The following BCAS3 variants were observed in gnomAD, a reference collection of about 807,000 sequenced individuals.
BCAS3 encodes the protein BCAS4/BCAS3 fusion.
BCAS3 carries 53 observed loss-of-function variants against 116.1 expected under a neutral mutation model. That is an observed-to-expected ratio of 0.46 (90% CI 0.37 to 0.57). The LOEUF is 0.57. BCAS3 is among the 20% of genes least tolerant of loss of function. BCAS3 has a pLI of 0.00. For missense variants in BCAS3, 917 were observed against 1,165.4 expected (o/e 0.79, Z 3.10); for synonymous variants, 391 against 408.2 (o/e 0.96, Z 0.51).
Position 61,361,398 on chromosome 17 carries a change from C to T in BCAS3, c.2426-6929C>T, listed in dbSNP as rs565050553. Among the ~76,000 whole-genome samples, 209 of 152,178 alleles carry T rather than the reference C, an allele frequency of 1.4e-3. 1 individual carries two copies. The highest frequency in any genetic ancestry group is 2.2e-3 in the Non-Finnish European group (150 of 68,000). On this transcript the variant is annotated intron_variant, in intron 22 of 23. Coordinates refer to ENST00000407086, the MANE Select transcript of BCAS3 (RefSeq NM_017679.5). The surrounding 1 kb of genome is among the most constrained non-coding windows in gnomAD (Gnocchi z 6.5). ...TTAGATTGCAAAGAAATTCTTAGTC[C>T]AATTGCCATTGAACTCCTTTTCCCT...
rs1249829542 is a variant in BCAS3, at chr17:61,356,552, C to T, written c.2426-11775C>T. Among the ~76,000 whole-genome samples the T allele has an allele frequency of 1.3e-5, 2 of 152,204 alleles. No individual in the cohort carries two copies. Among genetic ancestry groups the T allele is most frequent in the South Asian group, 2.1e-4 (1 of 4,820 alleles). On this transcript the variant is annotated intron_variant, in intron 22 of 23. Coordinates refer to ENST00000407086, the MANE Select transcript of BCAS3 (RefSeq NM_017679.5). The surrounding 1 kb of genome is among the most constrained non-coding windows in gnomAD (Gnocchi z 5.4). ...TGACTGATCTCTTGGGCTCACAGCCCTGCTCAATGACCTCATGATGTGTGA... is the reference window on the plus strand; with the variant it reads ...TGACTGATCTCTTGGGCTCACAGCCTTGCTCAATGACCTCATGATGTGTGA...
rs2143622420 is a variant in BCAS3, at chr17:61,381,614, A to C, written c.2594-10363A>C. Among the ~76,000 whole-genome samples, 1 of 152,302 alleles carries C rather than the reference A, an allele frequency of 6.6e-6. No homozygotes were observed. Among genetic ancestry groups the C allele is most frequent in the Non-Finnish European group, 1.5e-5 (1 of 68,026 alleles). The stretch of plus-strand genomic sequence containing the variant: ...AGACGCTAAATGCCACCGAGAAGTT[A>C]AATCTATTACTAAACTCAGGTTTAC... On this transcript the variant is annotated intron_variant, in intron 23 of 23. Transcript: ENST00000407086. The surrounding 1 kb of genome is among the most constrained non-coding windows in gnomAD (Gnocchi z 6.0).
intron 5 of BCAS3, among the ~76,000 whole-genome samples, chr17:60,742,153 G>A (rs949175679): frequency 3.9e-5 from 6 of 152,134 alleles, no homozygotes; most frequent in African/African-American, 1.4e-4. Flanking sequence ...GTACTGTTTG[G>A]AATAATCTTT....
rs1370798204 is a variant in BCAS3 at position 61,078,463 on chromosome 17, G to A, written c.2261G>A (p.Gly754Asp). 7.4e-6 allele frequency: 12 copies of A among 1,614,000 alleles called. No individual in the cohort carries two copies. Among genetic ancestry groups the A allele is most frequent in the African/African-American group, 4.0e-5 (3 of 74,882 alleles). ...SSSSSVLQSH[G>D]PSDTPQPLLD... ...AGTTCATCTGTGTTGCAGTCTCATG[G>A]TCCGAGTGACACGCCACAGCCTCTT... is the stretch of plus-strand genomic sequence containing the variant. Residue 754 changes from glycine to aspartate, a missense_variant, in exon 21 of 24, where the codon GGT becomes GAT. By Grantham distance (94) the Gly-to-Asp change is moderately conservative (BLOSUM62 -1). Around this residue, in one of 3 missense-constraint regions of BCAS3, gnomAD observed 807 missense variants for 1,026.0 expected, o/e 0.79. Transcript: ENST00000407086.
At chr17:61,044,203 T>C (rs1352141087) in intron 19 of BCAS3, among the ~76,000 whole-genome samples, 1 of 151,854 alleles carries the variant, frequency 6.6e-6, no homozygotes, top group Non-Finnish European at 1.5e-5. Context: ...ATCCCAGCAC[T>C]TTCGGAGACC....
Position 60,974,981 on chromosome 17 carries a change from TG to T in BCAS3, c.1222-14989del, listed in dbSNP as rs950064454. 8.0e-3 allele frequency among the ~76,000 whole-genome samples: 1,128 copies of T among 140,334 alleles called. 64 individuals are homozygous for T. Among genetic ancestry groups the T allele is most frequent in the African/African-American group, 0.035 (1,058 of 30,158 alleles). 92.1% of individuals were successfully genotyped at this position (140,334 alleles called of 152,430 possible). ...TTATATTCAAGCCATTTGTTTTTTTTGTTTTTTTTGCTTTTTTGTTTTTTTT... is the reference window on the plus strand; with the variant it reads ...TTATATTCAAGCCATTTGTTTTTTTTTTTTTTTTGCTTTTTTGTTTTTTTT... On this transcript the variant is annotated intron_variant, in intron 14 of 23. Coordinates refer to ENST00000407086, the MANE Select transcript of BCAS3 (RefSeq NM_017679.5).
chr17:60,747,679 A>G (rs1409468163), intron 6 of BCAS3, among the ~76,000 whole-genome samples: 4 of 151,664 alleles, frequency 2.6e-5, no homozygotes, highest in Admixed American at 6.6e-5. Context: ...TCAAGTCTCT[A>G]TTGTTCTCAT....
Position 61,214,514 on chromosome 17 carries a change from C to T in BCAS3, c.2425+129950C>T, listed in dbSNP as rs561742318. ...CCTGGCTAACATGGTGAAACCCCGT[C>T]TCTACTAAAAATACCAAAAAAAAAA... On this transcript the variant is annotated intron_variant, in intron 22 of 23. Transcript: ENST00000407086. The surrounding 1 kb of genome is among the most constrained non-coding windows in gnomAD (Gnocchi z 4.4). Among the ~76,000 whole-genome samples the T allele has an allele frequency of 1.5e-5, 2 of 135,100 alleles. No homozygotes were observed. Among genetic ancestry groups the T allele is most frequent in the East Asian group, 2.1e-4 (1 of 4,654 alleles). 88.6% of individuals were successfully genotyped at this position (135,100 alleles called of 152,430 possible).
rs1484655860 is a variant in BCAS3, at chr17:61,004,832, CTGT to C, written c.1487-10910_1487-10908del. ...GACCAAGGTGGAATTAACATGGGCA[CTGT>C]TGTTGTTGGCTTCAGAAGAAATAGA... On this transcript the variant is annotated intron_variant, in intron 15 of 23. Transcript: ENST00000407086. This position sits in a 1 kb window ranked among gnomAD's most constrained non-coding sequence, Gnocchi z 4.8. 6.6e-6 allele frequency among the ~76,000 whole-genome samples: 1 copy of C among 152,052 alleles called. No homozygotes were observed. Among genetic ancestry groups the C allele is most frequent in the African/African-American group, 2.4e-5 (1 of 41,394 alleles).
chr17:60,903,400 C>T (rs1466093853), intron 11 of BCAS3, among the ~76,000 whole-genome samples: 4 of 152,166 alleles, frequency 2.6e-5, no homozygotes, highest in African/African-American at 7.2e-5. Context: ...AGAATGTGTT[C>T]CTTGGTTTGA....
intron 22 of BCAS3, among the ~76,000 whole-genome samples, chr17:61,232,169 C>T (rs901068952): frequency 2.7e-4 from 35 of 127,812 alleles, no homozygotes; most frequent in Non-Finnish European, 7.9e-5. Context: ...CACACCACTG[C>T]ACTCCAGCCT....
chr17:60,695,547 GT>G, intron 4 of BCAS3, among the ~76,000 whole-genome samples: 1 of 152,264 alleles, frequency 6.6e-6, no homozygotes. Flanking sequence ...GTATCATATG[GT>G]AATTCTTTTT....
rs1026957473 is a variant in BCAS3 at position 61,327,684 on chromosome 17, A to G, written c.2426-40643A>G. 1.3e-5 allele frequency among the ~76,000 whole-genome samples: 2 copies of G among 152,052 alleles called. No homozygotes were observed. Among genetic ancestry groups the G allele is most frequent in the African/African-American group, 4.8e-5 (2 of 41,398 alleles). On this transcript the variant is annotated intron_variant, in intron 22 of 23. Transcript: ENST00000407086. This position sits in a 1 kb window ranked among gnomAD's most constrained non-coding sequence, Gnocchi z 5.9. ...ACCACCAAACCCCACTAATTTTTGT[A>G]TTTTTGGTAGAGATGGGGTTTCACC...
chr17:60,699,576 T>G (rs907509944), intron 4 of BCAS3, among the ~76,000 whole-genome samples: 1 of 152,146 alleles, frequency 6.6e-6, no homozygotes, highest in African/African-American at 2.4e-5. Flanking sequence ...GTACATAAGT[T>G]TATAATTCTG....
At chr17:61,292,782 C>T (rs1337934962) in intron 22 of BCAS3, among the ~76,000 whole-genome samples, 3 of 152,134 alleles carry the variant, frequency 2.0e-5, no homozygotes, top group Non-Finnish European at 4.4e-5. Context: ...AAACAGATTG[C>T]CACAACCTTG....
intron 22 of BCAS3, among the ~76,000 whole-genome samples, chr17:61,155,391 T>C (rs2077773596): frequency 6.6e-6 from 1 of 152,102 alleles, no homozygotes; most frequent in African/African-American, 2.4e-5. Context: ...TTGTGATTTA[T>C]TGTTTTATCA....
rs1370368422 is a variant in BCAS3, at chr17:61,083,676, A to C, written c.2328-791A>C. 6.6e-6 allele frequency among the ~76,000 whole-genome samples: 1 copy of C among 150,446 alleles called. No homozygotes were observed. ...AGTGGCACGATCTTGGCTCATTGCA[A>C]CCTCTGGTTTTTGGGTTCCAGCAGT... On this transcript the variant is annotated intron_variant, in intron 21 of 23. Coordinates refer to ENST00000407086, the MANE Select transcript of BCAS3 (RefSeq NM_017679.5). This position sits in a 1 kb window ranked among gnomAD's most constrained non-coding sequence, Gnocchi z 4.9.
At chr17:60,935,981 A>G (rs1227340593) in intron 13 of BCAS3, among the ~76,000 whole-genome samples, 5 of 151,902 alleles carry the variant, frequency 3.3e-5, no homozygotes, top group African/African-American at 9.7e-5. Context: ...AACATTAAGT[A>G]TATCTCCAAA....
At chr17:60,915,846 C>G (rs886744274) in intron 12 of BCAS3, among the ~76,000 whole-genome samples, 1 of 151,878 alleles carries the variant, frequency 6.6e-6, no homozygotes, top group Non-Finnish European at 1.5e-5. Flanking sequence ...CCACACCTAG[C>G]TAATTTTATG....
Sources: gnomAD v4.1 joint callset for allele counts (sites outside exome capture counted in the v4.1 genomes callset) on GRCh38, gnomAD v4.1.1 for gene constraint, gnomAD v4.1.1 regional missense constraint, Gnocchi (gnomAD v3.1) non-coding constraint, MANE v1.5 for transcripts, NCBI Gene and HGNC (gene_info 2026-07-23, HGNC 2026-07-21) for gene names.